DARS1: variants seen among roughly 807,000 people sequenced by gnomAD.
DARS1 encodes the protein aspartyl-tRNA synthetase 1, also known as aspartate--tRNA ligase, cytoplasmic.
In DARS1, 51 loss-of-function variants were observed where a neutral mutation model predicts 68.8. The ratio of observed to expected loss-of-function variants is 0.74; its 90% confidence interval spans 0.59 to 0.94. DARS1 has a LOEUF of 0.94. Among genes scored for constraint, DARS1 ranks in the 40% least tolerant of loss-of-function variants. DARS1 has a pLI of 0.00. For missense variants in DARS1, 607 were observed against 597.3 expected (o/e 1.02, Z -0.17); for synonymous variants, 203 against 190.4 (o/e 1.07, Z -0.55).
intron 2 of DARS1, 99 bp downstream of exon 2, chr2:135,983,298 T>C (rs1216827882): frequency 2.9e-6 from 2 of 699,008 alleles, no homozygotes; most frequent in Admixed American, 2.7e-5. Context: ...TTCAGAATTA[T>C]ACCTTCAGAT....
chr2:135,976,377 T>C (rs566174712), intron 3 of DARS1, among the ~76,000 whole-genome samples: 5 of 152,272 alleles, frequency 3.3e-5, no homozygotes, highest in Middle Eastern at 3.4e-3. Flanking sequence ...TTTTTTGAGA[T>C]AGAATAACAG....
intron 3 of DARS1, among the ~76,000 whole-genome samples, chr2:135,970,039 C>T (rs978117284): frequency 2.0e-5 from 3 of 151,976 alleles, no homozygotes; most frequent in African/African-American, 2.4e-5. Context: ...CTTGTGCTTC[C>T]GAACTTTAGA....
At chr2:135,911,073 T>C (rs1680885518) in intron 15 of DARS1, 66 bp downstream of exon 15, 1 of 729,694 alleles carries the variant, frequency 1.4e-6, no homozygotes, top group Non-Finnish European at 2.4e-6. Context: ...TAAAAATTCT[T>C]GTAATTCAAA....
At chr2:135,985,312 A>T in intron 1 of DARS1, 91 bp downstream of exon 1, 3 of 1,510,558 alleles carry the variant, frequency 2.0e-6, no homozygotes, top group Non-Finnish European at 1.8e-6. Flanking sequence ...GCCGACAAGG[A>T]CCTGTAGGGC....
At chr2:135,976,787 A>C (rs1272489063) in intron 3 of DARS1, among the ~76,000 whole-genome samples, 1 of 107,576 alleles carries the variant, frequency 9.3e-6, no homozygotes, top group Non-Finnish European at 2.1e-5. Context: ...TATTCCAAAA[A>C]AAAAAAAAAA....
intron 3 of DARS1, among the ~76,000 whole-genome samples, chr2:135,966,092 T>C (rs1466169640): frequency 4.6e-5 from 7 of 152,174 alleles, no homozygotes; most frequent in African/African-American, 1.4e-4. Context: ...AGTGTGTACA[T>C]GATCCTTTTT....
intron 7 of DARS1, among the ~76,000 whole-genome samples, chr2:135,929,832 T>G (rs1029555854): frequency 6.6e-6 from 1 of 152,222 alleles, no homozygotes; most frequent in Non-Finnish European, 1.5e-5. Context: ...ATAGAAAGTT[T>G]CAGGGAGATA....
intron 5 of DARS1, among the ~76,000 whole-genome samples, chr2:135,940,124 C>T (rs968395455): frequency 3.3e-5 from 5 of 152,062 alleles, no homozygotes; most frequent in African/African-American, 4.8e-5. Flanking sequence ...TTCCAATCAA[C>T]AGAAAAAGAG....
intron 8 of DARS1, 63 bp downstream of exon 8, chr2:135,924,324 T>C: frequency 6.9e-7 from 1 of 1,455,278 alleles, no homozygotes; most frequent in South Asian, 1.5e-5. Context: ...TTTATTAATA[T>C]AAAGCAACTC....
chr2:135,934,876 C>A (rs1681433248), intron 5 of DARS1, among the ~76,000 whole-genome samples: 2 of 149,928 alleles, frequency 1.3e-5, no homozygotes, highest in Non-Finnish European at 3.0e-5. Context: ...CTCACTGCAA[C>A]CTCTGTCTCC....
chr2:135,954,121 T>C (rs191875293), intron 4 of DARS1, among the ~76,000 whole-genome samples: 1 of 151,148 alleles, frequency 6.6e-6, no homozygotes, highest in Admixed American at 6.6e-5. Flanking sequence ...TTGGGAGCAG[T>C]GTCTAGCTAA....
chr2:135,907,659 T>C (rs533666967), intron 15 of DARS1, among the ~76,000 whole-genome samples: 2 of 152,226 alleles, frequency 1.3e-5, no homozygotes, highest in South Asian at 2.1e-4. Context: ...ACCACAAAAA[T>C]CTATACGAAT....
chr2:135,948,479 C>T (rs1225306597), intron 4 of DARS1, among the ~76,000 whole-genome samples: 1 of 152,168 alleles, frequency 6.6e-6, no homozygotes, highest in Non-Finnish European at 1.5e-5. Context: ...TCAAGCCCAG[C>T]AGAGTACCTG....
chr2:135,949,180 A>G (rs1467425140), intron 4 of DARS1, among the ~76,000 whole-genome samples: 5 of 152,194 alleles, frequency 3.3e-5, no homozygotes, highest in Non-Finnish European at 4.4e-5. Flanking sequence ...GAAGTATTAT[A>G]TAAGCACAAA....
intron 2 of DARS1, among the ~76,000 whole-genome samples, chr2:135,980,204 T>A (rs1259233182): frequency 6.6e-6 from 1 of 152,134 alleles, no homozygotes; most frequent in African/African-American, 2.4e-5. Context: ...ACTACATTCA[T>A]CTAGAGTTCC....
intron 8 of DARS1, among the ~76,000 whole-genome samples, 172 bp downstream of exon 8, chr2:135,924,215 G>T (rs1681165745): frequency 6.6e-6 from 1 of 152,150 alleles, no homozygotes; most frequent in Non-Finnish European, 1.5e-5. Flanking sequence ...ACTTATTAAG[G>T]TTGGTGATAT....
At chr2:135,949,087 A>G (rs1325931035) in intron 4 of DARS1, among the ~76,000 whole-genome samples, 1 of 152,090 alleles carries the variant, frequency 6.6e-6, no homozygotes, top group African/African-American at 2.4e-5. Flanking sequence ...GAAAAATAAA[A>G]TAAAATATAT....
chr2:135,922,217 A>T (rs2104801374), intron 9 of DARS1, among the ~76,000 whole-genome samples: 1 of 152,320 alleles, frequency 6.6e-6, no homozygotes, highest in South Asian at 2.1e-4. Flanking sequence ...CAAAATAGTG[A>T]AACAGAACAG....
chr2:135,917,981 G>A (rs1280310424), intron 10 of DARS1, among the ~76,000 whole-genome samples: 1 of 152,074 alleles, frequency 6.6e-6, no homozygotes, highest in Non-Finnish European at 1.5e-5. Context: ...GTGCAGTGGA[G>A]CTGTCTCGGC....
Sources: allele counts gnomAD v4.1 joint callset (sites outside exome capture counted in the v4.1 genomes callset), GRCh38; gene constraint gnomAD v4.1.1; transcripts MANE v1.5; gene names NCBI Gene and HGNC (gene_info 2026-07-23, HGNC 2026-07-21).